FGF10: variants seen among roughly 807,000 people sequenced by gnomAD.
FGF10 encodes fibroblast growth factor 10, also known as FGF-10.
FGF10 carries 2 observed loss-of-function variants against 19.8 expected under a neutral mutation model. The observed-to-expected ratio is 0.10, with a 90% CI of 0.04 to 0.32. The LOEUF is 0.32. Among genes scored for constraint, FGF10 ranks in the 10% least tolerant of loss-of-function variants. The pLI is 1.00. For synonymous variants in FGF10, 112 were observed against 94.0 expected, an observed-to-expected ratio of 1.19 and a Z score of -1.10; for missense variants, 191 against 246.3, an observed-to-expected ratio of 0.78 and a Z score of 1.50.
chr5:44,322,912 C>T (rs72763180), intron 1 of FGF10, among the ~76,000 whole-genome samples: 11,430 of 151,742 alleles, frequency 0.075, 549 homozygotes, highest in Middle Eastern at 0.11. Context: ...TGACTGAATC[C>T]CCCTGACACC....
chr5:44,371,341 C>T (rs1031356650), intron 1 of FGF10, among the ~76,000 whole-genome samples: 4 of 152,062 alleles, frequency 2.6e-5, no homozygotes, highest in African/African-American at 4.8e-5. Context: ...CTTTGGACTT[C>T]TCAGACTTCA....
At chr5:44,363,311 CTA>C (rs991073625) in intron 1 of FGF10, among the ~76,000 whole-genome samples, 6 of 151,676 alleles carry the variant, frequency 4.0e-5, no homozygotes, top group Admixed American at 4.0e-4. Context: ...TTTTTAATGG[CTA>C]ATTGTGAATG....
chr5:44,342,688 A>G (rs1258784020), intron 1 of FGF10, among the ~76,000 whole-genome samples: 1 of 151,964 alleles, frequency 6.6e-6, no homozygotes, highest in African/African-American at 2.4e-5. Flanking sequence ...GTTCATCTAC[A>G]TTAAAAAAAA....
intron 1 of FGF10, among the ~76,000 whole-genome samples, chr5:44,318,901 G>A (rs1364709409): frequency 1.3e-5 from 2 of 152,178 alleles, no homozygotes; most frequent in Non-Finnish European, 2.9e-5. Context: ...TTATTTTAGT[G>A]AGAAAAGTTC....
chr5:44,309,788 T>A lies in FGF10; in HGVS notation c.429+639A>T, dbSNP rs567569633. ...TTGCAGAAGTGGTATTCCAAATACT[T>A]AACACCTGGTATGGAATATAGGCAT... On this transcript the variant is annotated intron_variant, in intron 2 of 2. Coordinates refer to ENST00000264664, the MANE Select transcript of FGF10 (RefSeq NM_004465.2). 4.6e-5 allele frequency among the ~76,000 whole-genome samples: 7 copies of A among 152,224 alleles called. No individual in the cohort carries two copies. In the East Asian group the frequency reaches 1.4e-3, roughly 29 times the overall value.
intron 1 of FGF10, among the ~76,000 whole-genome samples, chr5:44,383,452 G>C (rs1423054915): frequency 6.6e-6 from 1 of 152,022 alleles, no homozygotes. Flanking sequence ...TGCTTTTAAA[G>C]AGTCATTCAC....
At chr5:44,313,590 T>G (rs967406415) in intron 1 of FGF10, among the ~76,000 whole-genome samples, 3 of 117,662 alleles carry the variant, frequency 2.5e-5, no homozygotes, top group East Asian at 3.0e-4. Context: ...AAAAAAAGGT[T>G]TTTTTTTTTT....
Position 44,379,973 on chromosome 5 carries a change from C to T in FGF10, c.325+8385G>A, listed in dbSNP as rs531924058. Among the ~76,000 whole-genome samples the T allele has an allele frequency of 6.6e-5, 10 of 152,310 alleles. No individual in the cohort carries two copies. The East Asian group carries it at 1.7e-3, about 26-fold the overall frequency. On this transcript the variant is annotated intron_variant, in intron 1 of 2. Transcript: ENST00000264664. ...GTCAGCATATTTGAGCTCTAAAACA[C>T]TATTTTTGTTCATCAAGTTTTTATA... is the stretch of plus-strand genomic sequence containing the variant.
intron 1 of FGF10, among the ~76,000 whole-genome samples, chr5:44,348,669 G>C (rs528579227): frequency 2.1e-5 from 3 of 145,014 alleles, no homozygotes; most frequent in Admixed American, 2.0e-4. Context: ...GATATATAAC[G>C]AATGGCTTTT....
rs1421578299 is a variant in FGF10 at position 44,310,428 on chromosome 5, G to A, written c.428C>T (p.Ser143Leu). ...TGAAAACAAAAGCAGAATACTTACT[G>A]AGCCATAGAGTTTCCCCTTCTTGTT... ...AMNKKGKLYG[S>L]KEFNNDCKLK... The change falls in exon 2 of 3, where the codon TCA becomes TTA. Residue 143 changes from serine (S) to leucine (L), a missense_variant and splice_region_variant. Coordinates refer to ENST00000264664, the MANE Select transcript of FGF10 (RefSeq NM_004465.2). 6.3e-7 allele frequency: 1 copy of A among 1,599,604 alleles called. No homozygotes were observed. Among genetic ancestry groups the A allele is most frequent in the Admixed American group, 1.7e-5 (1 of 59,804 alleles).
rs1740034815 is a variant in FGF10 at position 44,304,683 on chromosome 5, T to C, written c.*312A>G. 2.8e-6 allele frequency: 1 copy of C among 352,600 alleles called. No individual in the cohort carries two copies. The highest frequency in any genetic ancestry group is 5.4e-6 in the Non-Finnish European group (1 of 186,846). 21.8% of individuals were successfully genotyped at this position (352,600 alleles called of 1,614,324 possible). ...AGATTGTTCTATGTCCTTTAAGTTC[T>C]ATCTCAGAGGTTTAAAAACAAAAAC... is the stretch of plus-strand genomic sequence containing the variant. On this transcript the variant is annotated 3_prime_UTR_variant, in exon 3 of 3. Coordinates refer to ENST00000264664, the MANE Select transcript of FGF10 (RefSeq NM_004465.2).
chr5:44,386,348 G>A (rs1222045352), intron 1 of FGF10, among the ~76,000 whole-genome samples: 1 of 152,090 alleles, frequency 6.6e-6, no homozygotes, highest in East Asian at 1.9e-4. Context: ...AAAGAAAAAT[G>A]TTTGCTCAAG....
intron 1 of FGF10, among the ~76,000 whole-genome samples, chr5:44,368,626 G>A (rs1332857677): frequency 6.6e-6 from 1 of 151,970 alleles, no homozygotes; most frequent in African/African-American, 2.4e-5. Context: ...TTAAAAATCT[G>A]TACAGAAGAA....
At chr5:44,350,066 A>G (rs778211298) in intron 1 of FGF10, among the ~76,000 whole-genome samples, 3 of 151,332 alleles carry the variant, frequency 2.0e-5, no homozygotes. Context: ...GCACACACAC[A>G]TACACATCTA....
intron 1 of FGF10, among the ~76,000 whole-genome samples, chr5:44,363,950 G>T (rs1741547738): frequency 6.6e-6 from 1 of 151,670 alleles, no homozygotes; most frequent in Admixed American, 6.6e-5. Flanking sequence ...TAATAAACAA[G>T]ACTTCCTTAT....
chr5:44,376,518 C>CCCAAAAAAAAAAAA (rs1741866925), intron 1 of FGF10, among the ~76,000 whole-genome samples: 1 of 72,694 alleles, frequency 1.4e-5, no homozygotes, highest in Non-Finnish European at 2.7e-5. Context: ...AAAAAAAAAA[C>CCCAAAAAAAAAAAA]AAAAAACCCA....
At chr5:44,330,793 T>C (rs934176043) in intron 1 of FGF10, among the ~76,000 whole-genome samples, 1 of 152,164 alleles carries the variant, frequency 6.6e-6, no homozygotes, top group East Asian at 1.9e-4. Context: ...GCCTCATCTG[T>C]CTCTTAGAAA....
intron 2 of FGF10, among the ~76,000 whole-genome samples, chr5:44,305,587 G>A (rs1466263185): frequency 6.6e-6 from 1 of 151,900 alleles, no homozygotes; most frequent in Non-Finnish European, 1.5e-5. Context: ...GGGCCCCATG[G>A]GAAAAAATAG....
chr5:44,322,766 G>A (rs1408292762), intron 1 of FGF10, among the ~76,000 whole-genome samples: 1 of 151,822 alleles, frequency 6.6e-6, no homozygotes, highest in African/African-American at 2.4e-5. Flanking sequence ...TTATGGAGTA[G>A]ATGGGACTAT....
Sources: allele counts gnomAD v4.1 joint callset (sites outside exome capture counted in the v4.1 genomes callset), GRCh38; gene constraint gnomAD v4.1.1; transcripts MANE v1.5; gene names NCBI Gene and HGNC (gene_info 2026-07-23, HGNC 2026-07-21).